Variants in RBFOX1 observed in about 807,000 individuals in gnomAD.
The protein encoded by RBFOX1 is RNA binding protein fox-1 homolog 1.
Under a neutral mutation model 57.7 loss-of-function variants are expected in RBFOX1, and 8 were observed. The ratio of observed to expected loss-of-function variants is 0.14; its 90% confidence interval spans 0.08 to 0.25. The LOEUF is 0.25. Among genes scored for constraint, RBFOX1 ranks in the 10% least tolerant of loss-of-function variants. The pLI is 1.00. For synonymous variants in RBFOX1, 326 were observed against 222.4 expected (o/e 1.47, Z -4.15); for missense variants, 611 against 548.5 (o/e 1.11, Z -1.14).
chr16:7,404,822 G>A (rs1367093969), intron 4 of RBFOX1, among the ~76,000 whole-genome samples: 1 of 152,200 alleles, frequency 6.6e-6, no homozygotes, highest in East Asian at 1.9e-4. Flanking sequence ...CACTGACGCA[G>A]AAACAGATGT....
intron 1 of RBFOX1, among the ~76,000 whole-genome samples, chr16:6,058,733 CA>C (rs1567352420): frequency 4.0e-5 from 6 of 150,118 alleles, no homozygotes. Flanking sequence ...ACCCATCCAC[CA>C]ATCCATCCAC....
At chr16:5,938,689 C>G (rs958725398) in intron 4 of RBFOX1, among the ~76,000 whole-genome samples, 1 of 152,048 alleles carries the variant, frequency 6.6e-6, no homozygotes, top group African/African-American at 2.4e-5. Context: ...CATTTGGATC[C>G]TGAGGAATAG....
At chr16:7,214,089 T>A (rs8053761) in intron 4 of RBFOX1, among the ~76,000 whole-genome samples, 24,974 of 139,608 alleles carry the variant, frequency 0.18, 2,478 homozygotes, top group African/African-American at 0.3. Context: ...AAAAAAAAAA[T>A]TTTTCCACTT....
intron 3 of RBFOX1, among the ~76,000 whole-genome samples, chr16:6,751,431 G>T (rs186953710): frequency 1.6e-4 from 24 of 152,226 alleles, no homozygotes; most frequent in African/African-American, 5.3e-4. Context: ...CTGTATTCTT[G>T]GGGCATTTGT....
intron 5 of RBFOX1, among the ~76,000 whole-genome samples, chr16:7,524,308 G>C (rs1567661699): frequency 6.6e-6 from 1 of 152,148 alleles, no homozygotes; most frequent in South Asian, 2.1e-4. Flanking sequence ...GTAAAATGCA[G>C]ACAGAAAAGA....
chr16:7,594,650 G>C (rs2094599983), intron 7 of RBFOX1, among the ~76,000 whole-genome samples: 2 of 152,156 alleles, frequency 1.3e-5, no homozygotes, highest in South Asian at 4.1e-4. Flanking sequence ...TTATCTATCA[G>C]TAAAAGAGGA....
intron 2 of RBFOX1, among the ~76,000 whole-genome samples, chr16:6,612,791 G>A (rs959022040): frequency 6.7e-6 from 1 of 150,262 alleles, no homozygotes; most frequent in South Asian, 2.1e-4. Context: ...GGTGGAGACT[G>A]CAGTGAGCCA....
At chr16:5,371,611 G>A (rs1437435513) in intron 1 of RBFOX1, among the ~76,000 whole-genome samples, 2 of 152,222 alleles carry the variant, frequency 1.3e-5, no homozygotes, top group African/African-American at 2.4e-5. Flanking sequence ...TCGTCTAGGA[G>A]GTGTGAGCCG....
intron 3 of RBFOX1, among the ~76,000 whole-genome samples, chr16:7,002,381 T>G (rs1047135125): frequency 1.3e-5 from 2 of 152,202 alleles, no homozygotes; most frequent in Admixed American, 6.5e-5. Context: ...TATGAAGGTT[T>G]TCTGTTTATC....
chr16:7,566,969 C>A (rs530393508), intron 5 of RBFOX1, among the ~76,000 whole-genome samples: 3 of 151,852 alleles, frequency 2.0e-5, no homozygotes, highest in South Asian at 4.2e-4. Context: ...CATGTATTTA[C>A]AGAGTAAAGG....
At chr16:6,106,953 G>T (rs1307398561) in intron 1 of RBFOX1, among the ~76,000 whole-genome samples, 1 of 152,052 alleles carries the variant, frequency 6.6e-6, no homozygotes, top group Non-Finnish European at 1.5e-5. Context: ...TTACAGGCGT[G>T]AGCCACCATG....
chr16:5,477,310 C>A (rs965556819), intron 2 of RBFOX1, among the ~76,000 whole-genome samples: 4 of 152,162 alleles, frequency 2.6e-5, no homozygotes, highest in Admixed American at 6.5e-5. Flanking sequence ...AAGTTGCACT[C>A]AATGCGCTGC....
intron 3 of RBFOX1, among the ~76,000 whole-genome samples, chr16:7,024,135 G>C (rs2040180414): frequency 1.3e-5 from 2 of 152,102 alleles, no homozygotes; most frequent in Non-Finnish European, 2.9e-5. Flanking sequence ...CATGCTTTAT[G>C]TTATCATATT....
intron 2 of RBFOX1, among the ~76,000 whole-genome samples, chr16:6,509,928 C>A (rs926996912): frequency 6.6e-6 from 1 of 152,088 alleles, no homozygotes; most frequent in Non-Finnish European, 1.5e-5. Flanking sequence ...ATGCAGGAGA[C>A]GCTCCATAAG....
intron 2 of RBFOX1, among the ~76,000 whole-genome samples, chr16:6,575,399 G>T (rs1374090686): frequency 6.6e-6 from 1 of 152,090 alleles, no homozygotes; most frequent in Non-Finnish European, 1.5e-5. Flanking sequence ...GCAAAATGAC[G>T]TGTAACAGAA....
intron 1 of RBFOX1, among the ~76,000 whole-genome samples, chr16:6,253,598 G>C (rs1211129358): frequency 8.6e-6 from 1 of 116,260 alleles, no homozygotes; most frequent in Non-Finnish European, 2.1e-5. Context: ...ATGATAGATA[G>C]ATAGATGGAT....
At position 5,799,382 on chromosome 16, in the gene RBFOX1, T is replaced by C. The variant is rs568374146; in HGVS notation, c.319-67921T>C. Reference sequence around the variant, plus strand: ...AGGGAGGTTTGTAAAAGCAACCTCATTGGTCTGTGGAGAAGATGACTGAAA... The same window carrying C: ...AGGGAGGTTTGTAAAAGCAACCTCACTGGTCTGTGGAGAAGATGACTGAAA... On this transcript the variant is annotated intron_variant, in intron 3 of 19. Coordinates refer to the RBFOX1 transcript ENST00000641259. Among the ~76,000 whole-genome samples the C allele has an allele frequency of 9.2e-5, 14 of 152,226 alleles. No individual in the cohort carries two copies. The South Asian group carries it at 1.9e-3, about 20-fold the overall frequency.
downstream of RBFOX1, chr16:5,600,255 C>G (rs1039257539): frequency 6.6e-6 from 1 of 151,302 alleles, no homozygotes; most frequent in African/African-American, 2.4e-5. Flanking sequence ...GAGCCAAGAT[C>G]GCGCCACTGC....
intron 4 of RBFOX1, among the ~76,000 whole-genome samples, chr16:7,335,279 A>G (rs556632103): frequency 6.6e-6 from 1 of 152,318 alleles, no homozygotes; most frequent in African/African-American, 2.4e-5. Context: ...CTCAGGAGGC[A>G]AAGTATTTCC....
Sources: gnomAD v4.1 joint callset for allele counts (sites outside exome capture counted in the v4.1 genomes callset) on GRCh38, gnomAD v4.1.1 for gene constraint, MANE v1.5 for transcripts, NCBI Gene and HGNC (gene_info 2026-07-23, HGNC 2026-07-21) for gene names.